The following TMED3 variants were observed in gnomAD, a reference collection of about 807,000 sequenced individuals.
TMED3 encodes transmembrane emp24 domain-containing protein 3.
A neutral mutation model predicts 15.0 loss-of-function variants in TMED3; 9 were observed. The ratio of observed to expected loss-of-function variants is 0.60; its 90% CI spans 0.36 to 1.04. The LOEUF is 1.04. Ranked by LOEUF, TMED3 falls within the 50% of genes least tolerant of loss-of-function variation. The pLI, the probability that TMED3 is intolerant of heterozygous loss-of-function variation, is 0.01. For synonymous variants in TMED3, 117 were observed against 121.4 expected (o/e 0.96, Z 0.24); for missense variants, 267 against 278.9 (o/e 0.96, Z 0.30).
exon 3 of TMED3, chr15:79,411,812 C>G (rs1046248379): frequency 6.6e-6 from 2 of 303,012 alleles, no homozygotes; most frequent in African/African-American, 4.2e-5. Flanking sequence ...GGTGTGGGAG[C>G]ATTTGCAATA....
At chr15:79,362,382 A>C (rs1893148707) in intron 2 of TMED3, among the ~76,000 whole-genome samples, 1 of 151,286 alleles carries the variant, frequency 6.6e-6, no homozygotes, top group Non-Finnish European at 1.5e-5. Context: ...GCTACTCAGG[A>C]GGCTGAGGTG....
chr15:79,346,884 A>G (rs1220557418), intron 2 of TMED3, among the ~76,000 whole-genome samples: 2 of 152,172 alleles, frequency 1.3e-5, no homozygotes, highest in Admixed American at 6.6e-5. Context: ...TTGAGCCAGT[A>G]ATAAATAGCC....
intron 2 of TMED3, among the ~76,000 whole-genome samples, chr15:79,389,461 A>T (rs565334782): frequency 1.3e-5 from 2 of 152,112 alleles, no homozygotes; most frequent in Non-Finnish European, 2.9e-5. Flanking sequence ...GCCTGTTTTT[A>T]TACCAGTACC....
chr15:79,372,388 T>A (rs1893356004), intron 2 of TMED3, among the ~76,000 whole-genome samples: 1 of 152,236 alleles, frequency 6.6e-6, no homozygotes, highest in African/African-American at 2.4e-5. Flanking sequence ...ATCTTCCATA[T>A]CTGAGACTTC....
chr15:79,412,200 G>C (rs183036227), exon 3 of TMED3: 1 of 152,246 alleles, frequency 6.6e-6, no homozygotes, highest in Admixed American at 6.5e-5. Context: ...GTTTCCGCTG[G>C]GCCCATGGCC....
At chr15:79,343,129 G>A (rs919535774) in intron 2 of TMED3, among the ~76,000 whole-genome samples, 6 of 152,130 alleles carry the variant, frequency 3.9e-5, no homozygotes, top group Non-Finnish European at 7.4e-5. Context: ...CAGTGAGAAA[G>A]GGGTATAGTG....
intron 1 of TMED3, 152 bp downstream of exon 1, chr15:79,311,569 C>T: frequency 1.0e-6 from 1 of 977,306 alleles, no homozygotes; most frequent in Middle Eastern, 3.4e-4. Context: ...GTTGACTTCC[C>T]CGTGAGGAGG....
chr15:79,393,342 T>C (rs1222047392), intron 2 of TMED3, among the ~76,000 whole-genome samples: 1 of 152,206 alleles, frequency 6.6e-6, no homozygotes, highest in Admixed American at 6.5e-5. Context: ...GTAGCTACTA[T>C]CTGTAAGTAC....
chr15:79,378,995 A>G (rs1893474433), intron 2 of TMED3, among the ~76,000 whole-genome samples: 1 of 152,196 alleles, frequency 6.6e-6, no homozygotes, highest in Non-Finnish European at 1.5e-5. Flanking sequence ...TCTTTCTGCA[A>G]TGTTGTTGAA....
At chr15:79,386,822 C>T (rs1040439626) in intron 2 of TMED3, among the ~76,000 whole-genome samples, 2 of 151,444 alleles carry the variant, frequency 1.3e-5, no homozygotes, top group African/African-American at 4.8e-5. Context: ...GCTGGGATTA[C>T]AGCCGTGAGC....
At chr15:79,412,445 A>G (rs1043140270) in exon 3 of TMED3, 10 of 152,350 alleles carry the variant, frequency 6.6e-5, no homozygotes, top group African/African-American at 2.4e-4. Context: ...TGCTGGAGTG[A>G]AACTAGGCAG....
chr15:79,313,987 G>A lies in TMED3; in HGVS notation c.399G>A (p.Arg133=), dbSNP rs748248185. The A allele has an allele frequency of 8.7e-6, 14 of 1,614,024 alleles. No individual in the cohort carries two copies. In the South Asian group the frequency reaches 9.9e-5, roughly 11 times the overall value. Residue 133 remains arginine, a synonymous_variant, in exon 2 of 3, where the codon AGG becomes AGA. Coordinates refer to ENST00000299705, the MANE Select transcript of TMED3 (RefSeq NM_007364.4). ...EPPILPDMGN[R]VTALTQMESA... ...CCATTCTCCCAGACATGGGGAACAGGGTCACAGCTCTCACCCAGGTGAGTG... is the reference window on the plus strand; with the variant it reads ...CCATTCTCCCAGACATGGGGAACAGAGTCACAGCTCTCACCCAGGTGAGTG...
intron 2 of TMED3, among the ~76,000 whole-genome samples, chr15:79,370,256 A>ATTTTTTTTTTTTTTTT (rs398028085): frequency 2.9e-5 from 3 of 104,950 alleles, no homozygotes; most frequent in African/African-American, 7.4e-5. Flanking sequence ...TGCCCAGCTA[A>ATTTTTTTTTTTTTTTT]TTTTTTTTTT....
intron 2 of TMED3, among the ~76,000 whole-genome samples, chr15:79,368,732 T>C (rs1445570576): frequency 6.6e-6 from 1 of 152,202 alleles, no homozygotes; most frequent in Non-Finnish European, 1.5e-5. Context: ...TTATTTTTAA[T>C]CATTTTATTA....
At chr15:79,370,624 C>G (rs1893321685) in intron 2 of TMED3, among the ~76,000 whole-genome samples, 1 of 152,094 alleles carries the variant, frequency 6.6e-6, no homozygotes, top group South Asian at 2.1e-4. Flanking sequence ...TTCTGCCATT[C>G]AGTGTCACAT....
At chr15:79,353,010 A>G (rs2058898675) in intron 2 of TMED3, among the ~76,000 whole-genome samples, 1 of 110,606 alleles carries the variant, frequency 9.0e-6, no homozygotes, top group African/African-American at 3.7e-5. Flanking sequence ...TAAAATATAT[A>G]TTATATAAAA....
chr15:79,325,747 A>C (rs1411662513), downstream of TMED3, among the ~76,000 whole-genome samples: 1 of 152,194 alleles, frequency 6.6e-6, no homozygotes, highest in Admixed American at 6.5e-5. Context: ...AAGAGCCCCC[A>C]GCAGACCACT....
Position 79,311,435 on chromosome 15 carries a change from G to T in TMED3, c.168+18G>T. 6.3e-7 allele frequency: 1 copy of T among 1,595,354 alleles called. No individual in the cohort carries two copies. Among genetic ancestry groups the T allele is most frequent in the Non-Finnish European group, 8.5e-7 (1 of 1,170,874 alleles). On this transcript the variant is annotated intron_variant, in intron 1 of 2. Coordinates refer to ENST00000299705, the MANE Select transcript of TMED3 (RefSeq NM_007364.4). The stretch of plus-strand genomic sequence containing the variant: ...ATTACCAGGTGAGGCCGGGCGCCCG[G>T]CAGCGCTCCCTTCTCCCTCCACTCC...
intron 2 of TMED3, among the ~76,000 whole-genome samples, chr15:79,348,864 C>T (rs2058880771): frequency 6.6e-6 from 1 of 152,206 alleles, no homozygotes; most frequent in Non-Finnish European, 1.5e-5. Flanking sequence ...CAGGTTCTCA[C>T]TCTGTCAGCC....
Sources: gnomAD v4.1 joint callset for allele counts (sites outside exome capture counted in the v4.1 genomes callset) on GRCh38, gnomAD v4.1.1 for gene constraint, MANE v1.5 for transcripts, NCBI Gene and HGNC (gene_info 2026-07-23, HGNC 2026-07-21) for gene names.